Variants in ZNF433 observed in about 807,000 individuals in gnomAD.
ZNF433 encodes zinc finger protein 433.
In ZNF433, 12 loss-of-function variants were observed where a neutral mutation model predicts 10.6. That is an observed-to-expected ratio of 1.13 (90% CI 0.72 to 1.83). The LOEUF is 1.83. Ranked by LOEUF, ZNF433 falls within the 40% of genes most tolerant of loss-of-function variation. The pLI is 0.00. For synonymous variants in ZNF433, 272 were observed against 271.3 expected (o/e 1.00, Z -0.02); for missense variants, 737 against 798.0 (o/e 0.92, Z 0.92).
chr19:12,015,700 AGT>A lies in ZNF433; in HGVS notation c.1156_1157del (p.Thr386TrpfsTer6), dbSNP rs1974144657. 1.2e-6 allele frequency: 2 copies of A among 1,613,748 alleles called. No homozygotes were observed. Among genetic ancestry groups the A allele is most frequent in the Non-Finnish European group, 1.7e-6 (2 of 1,179,946 alleles). ...GGTTGCATTTATAGGGTTTCTCTCC[AGT>A]GTGAGTTTTTTCATGTGTTTGAAGT... ...SSLQTHEKTH[T>X]GEKPYKCNQC... On this transcript the variant is annotated frameshift_variant, in exon 4 of 4. Coordinates refer to ENST00000550507, the MANE Select transcript of ZNF433 (RefSeq NM_001308348.2). LOFTEE classifies it low-confidence loss of function (END_TRUNC).
chr19:12,032,601 A>G (rs1266430201), intron 1 of ZNF433, among the ~76,000 whole-genome samples: 1 of 151,640 alleles, frequency 6.6e-6, no homozygotes, highest in East Asian at 1.9e-4. Flanking sequence ...CTCGTGCCTC[A>G]GTCTCCCTAG....
rs1974120039 is a variant in ZNF433, at chr19:12,015,405, T to C, written c.1453A>G (p.Ser485Gly). 13 of 1,614,146 alleles carry C rather than the reference T, an allele frequency of 8.1e-6. No homozygotes were observed. Among genetic ancestry groups the C allele is most frequent in the Non-Finnish European group, 1.0e-5 (12 of 1,179,996 alleles). ...YECKGYGKTF[S>G]LPSLFHRHER... ...TGTCTATGAAATAAACTGGGCAAAC[T>C]GAATGTTTTCCCATAACCCTTACAT... Residue 485 changes from serine to glycine, a missense_variant, in exon 4 of 4, where the codon AGT (serine) becomes GGT (glycine). By Grantham distance (56) the Ser-to-Gly change is moderately conservative. Coordinates refer to ENST00000550507, the MANE Select transcript of ZNF433 (RefSeq NM_001308348.2).
rs77228133 is a variant in ZNF433, at chr19:12,019,663, G to C, written c.4-1371C>G. Among the ~76,000 whole-genome samples the C allele has an allele frequency of 1.1e-4, 16 of 152,292 alleles. No individual in the cohort carries two copies. The East Asian group carries it at 2.9e-3, about 28-fold the overall frequency. The stretch of plus-strand genomic sequence containing the variant: ...CACTCTTCACAAAATCAAAGAGCCA[G>C]ATCAATCCACATGTCCATTGATGGC... On this transcript the variant is annotated intron_variant, in intron 1 of 3. Transcript: ENST00000550507.
chr19:12,027,643 CA>C (rs1166691124), intron 1 of ZNF433, among the ~76,000 whole-genome samples: 2 of 152,214 alleles, frequency 1.3e-5, no homozygotes, highest in African/African-American at 4.8e-5. Context: ...AGAAACAATG[CA>C]TATCACTGGC....
At chr19:12,017,161 AGAT>A (rs1370782473) in intron 3 of ZNF433, among the ~76,000 whole-genome samples, 2 of 152,132 alleles carry the variant, frequency 1.3e-5, no homozygotes, top group Admixed American at 6.5e-5. Context: ...TTATCAAAAA[AGAT>A]GATAGAAGGC....
chr19:12,020,714 C>T (rs1009238394), intron 1 of ZNF433, among the ~76,000 whole-genome samples: 15 of 151,794 alleles, frequency 9.9e-5, no homozygotes, highest in African/African-American at 2.9e-4. Flanking sequence ...GTCAGGAGTT[C>T]GAGACCAGAC....
intron 1 of ZNF433, chr19:12,027,204 CTG>C: frequency 2.5e-6 from 1 of 403,126 alleles, no homozygotes; most frequent in Non-Finnish European, 4.8e-6. Context: ...CTTGGAGGCT[CTG>C]TGATTTCAAT....
At chr19:12,026,534 A>G (rs1974741659) in intron 1 of ZNF433, 1 of 357,030 alleles carries the variant, frequency 2.8e-6, no homozygotes, top group Non-Finnish European at 5.5e-6. Context: ...ATATTTATCA[A>G]TCTTGGCTGG....
chr19:12,026,916 G>T (rs1974766071), intron 1 of ZNF433: 1 of 453,986 alleles, frequency 2.2e-6, no homozygotes, highest in African/African-American at 2.0e-5. Flanking sequence ...TGGAAACATG[G>T]TGGTATAGTG....
At chr19:12,032,124 G>C (rs1372232761) in intron 1 of ZNF433, among the ~76,000 whole-genome samples, 3 of 151,678 alleles carry the variant, frequency 2.0e-5, no homozygotes, top group African/African-American at 7.3e-5. Context: ...ATTTTTAGTA[G>C]AGACAGGGTT....
chr19:12,023,780 T>TA (rs1974609217), intron 1 of ZNF433: 1 of 152,124 alleles, frequency 6.6e-6, no homozygotes, highest in African/African-American at 2.4e-5. Context: ...GTAACTTCTG[T>TA]ACCTATAAAT....
At chr19:12,020,972 G>GTTT (rs796891710) in intron 1 of ZNF433, among the ~76,000 whole-genome samples, 2,481 of 136,674 alleles carry the variant, frequency 0.018, 92 homozygotes, top group African/African-American at 0.063. Context: ...CTGCTTTACT[G>GTTT]TTTTTTTTTT....
rs1214516717 is a variant in ZNF433, at chr19:12,030,213, T to G, written c.3+5324A>C. ...GGCTTCCAGAACTGTCAGAAAGAAA[T>G]GTTTATTTTTTTATTTTTTTATTTT... is the stretch of plus-strand genomic sequence containing the variant. On this transcript the variant is annotated intron_variant, in intron 1 of 3. Coordinates refer to ENST00000550507, the MANE Select transcript of ZNF433 (RefSeq NM_001308348.2). 4 of 436,454 alleles carry G rather than the reference T, an allele frequency of 9.2e-6. No individual in the cohort carries two copies. The East Asian group carries it at 2.3e-4, about 25-fold the overall frequency. The allele number at this position is 436,454 out of a possible 1,614,324, so 27.0% of individuals were successfully genotyped here. A position where few individuals can be genotyped will look rare whatever the true frequency, so the allele number is the denominator to read the frequency against.
chr19:12,030,152 C>T (rs1190471894), intron 1 of ZNF433: 2 of 441,654 alleles, frequency 4.5e-6, no homozygotes, highest in Admixed American at 5.0e-5. Flanking sequence ...GGCACCAGAT[C>T]TGTCAGCACC....
intron 1 of ZNF433, among the ~76,000 whole-genome samples, chr19:12,023,013 C>T (rs1296596970): frequency 6.6e-6 from 1 of 152,126 alleles, no homozygotes; most frequent in East Asian, 1.9e-4. Flanking sequence ...TGTTAGGATA[C>T]ACCCCCCAGA....
At chr19:12,023,091 C>A (rs1974573030) in intron 1 of ZNF433, 1 of 152,270 alleles carries the variant, frequency 6.6e-6, no homozygotes, top group African/African-American at 2.4e-5. Flanking sequence ...CCATGAGGGG[C>A]CTGTCCCGGG....
At chr19:12,031,287 T>C (rs1366240219) in intron 1 of ZNF433, among the ~76,000 whole-genome samples, 5 of 101,462 alleles carry the variant, frequency 4.9e-5, no homozygotes, top group African/African-American at 1.3e-4. Flanking sequence ...AGAGTGAGAC[T>C]CCATCTCAAA....
rs1974176588 is a variant in ZNF433 at position 12,016,069 on chromosome 19, G to A, written c.789C>T (p.Ser263=). 1 of 1,613,870 alleles carries A rather than the reference G, an allele frequency of 6.2e-7. No homozygotes were observed. The highest frequency in any genetic ancestry group is 1.1e-5 in the South Asian group (1 of 91,064). The change falls in exon 4 of 4, where the codon TCC becomes TCT. Residue 263 remains serine (S), a synonymous_variant. Transcript: ENST00000550507. ...CNECGKAFHS[S]TCLHAHKRTH... ...TTCTTTTATGAGCATGAAGGCATGTGGAACTATGGAATGCTTTCCCACATT... is the reference window on the plus strand; with the variant it reads ...TTCTTTTATGAGCATGAAGGCATGTAGAACTATGGAATGCTTTCCCACATT...
intron 1 of ZNF433, 155 bp from the exon 2 acceptor site, chr19:12,018,447 T>C (rs773361987): frequency 1.1e-5 from 9 of 809,774 alleles, no homozygotes; most frequent in Non-Finnish European, 1.6e-5. Flanking sequence ...CTCAGTTTCT[T>C]CCATAAAGTA....
Sources: gnomAD v4.1 joint callset for allele counts (sites outside exome capture counted in the v4.1 genomes callset) on GRCh38, gnomAD v4.1.1 for gene constraint, MANE v1.5 for transcripts, NCBI Gene and HGNC (gene_info 2026-07-23, HGNC 2026-07-21) for gene names.